Variants in CPS1 observed in about 807,000 individuals in gnomAD.
CPS1 encodes the protein carbamoyl-phosphate synthase 1.
In CPS1, 109 loss-of-function variants were observed where a neutral mutation model predicts 174.6. The observed-to-expected ratio is 0.62, with a 90% CI of 0.53 to 0.73. The LOEUF is 0.73. Ranked by LOEUF, CPS1 falls within the 30% of genes least tolerant of loss-of-function variation. The pLI, the probability that CPS1 is intolerant of heterozygous loss-of-function variation, is 0.00. For missense variants in CPS1, 1,689 were observed against 1,821.9 expected (o/e 0.93, Z 1.33); for synonymous variants, 637 against 632.0 (o/e 1.01, Z -0.12).
chr2:210,620,095 A>C lies in CPS1; in HGVS notation c.2687+3554A>C, dbSNP rs1574602976. 2.0e-5 allele frequency among the ~76,000 whole-genome samples: 3 copies of C among 152,284 alleles called. No homozygotes were observed. In the Middle Eastern group the frequency reaches 0.01, roughly 518 times the overall value. The stretch of plus-strand genomic sequence containing the variant: ...ACTTAAAGTATAATATAAAAAAAGA[A>C]ATATAAAAACAAGAACATAGTTTAT... On this transcript the variant is annotated intron_variant, in intron 21 of 37. Coordinates refer to ENST00000233072, the MANE Select transcript of CPS1 (RefSeq NM_001875.5).
chr2:210,626,071 A>G (rs2105880666), intron 21 of CPS1, among the ~76,000 whole-genome samples: 1 of 152,226 alleles, frequency 6.6e-6, no homozygotes, highest in South Asian at 2.1e-4. Context: ...AGTATCCAAT[A>G]CCATAATGTC....
chr2:210,583,022 CA>C (rs1330989481), intron 6 of CPS1, among the ~76,000 whole-genome samples: 1 of 151,982 alleles, frequency 6.6e-6, no homozygotes, highest in African/African-American at 2.4e-5. Context: ...ACTGAATTGC[CA>C]AAGATAGGTC....
chr2:210,619,209 C>T (rs551857843), intron 21 of CPS1: 1 of 152,196 alleles, frequency 6.6e-6, no homozygotes, highest in Admixed American at 6.6e-5. Flanking sequence ...TTTCTGGTTC[C>T]ACCCTTGTGC....
intron 21 of CPS1, among the ~76,000 whole-genome samples, chr2:210,624,599 G>A (rs909988885): frequency 6.6e-6 from 1 of 152,006 alleles, no homozygotes; most frequent in African/African-American, 2.4e-5. Context: ...TTTAGGTGAT[G>A]TCATAGGTTT....
intron 1 of CPS1, among the ~76,000 whole-genome samples, chr2:210,479,919 ATGAT>A (rs1282919706): frequency 6.6e-6 from 1 of 152,170 alleles, no homozygotes; most frequent in Non-Finnish European, 1.5e-5. Flanking sequence ...GAAATCTGGG[ATGAT>A]TGATAACAGA....
At position 210,661,986 on chromosome 2, in the gene CPS1, A is replaced by G. The variant is rs1700939011; in HGVS notation, c.3928-1137A>G. On this transcript the variant is annotated intron_variant, in intron 32 of 37. Coordinates refer to ENST00000233072, the MANE Select transcript of CPS1 (RefSeq NM_001875.5). ...AGTGCCATGATCTCAGCTCACTGCA[A>G]CCTCTGCCTTCCGGGTTCAAGCAAT... Among the ~76,000 whole-genome samples the G allele has an allele frequency of 2.7e-5, 4 of 147,350 alleles. No homozygotes were observed. In the Admixed American group the frequency reaches 2.8e-4, roughly 10 times the overall value.
chr2:210,607,285 A>T (rs1172856675), intron 18 of CPS1, among the ~76,000 whole-genome samples: 1 of 151,950 alleles, frequency 6.6e-6, no homozygotes, highest in Non-Finnish European at 1.5e-5. Context: ...TGTTTTCTTC[A>T]GGTGTATAGC....
intron 21 of CPS1, among the ~76,000 whole-genome samples, chr2:210,630,390 A>C (rs1283013278): frequency 6.6e-6 from 1 of 152,176 alleles, no homozygotes; most frequent in Non-Finnish European, 1.5e-5. Flanking sequence ...TTCCTTTTTA[A>C]TGTTGATTTT....
chr2:210,492,524 A>T (rs1466938740), intron 1 of CPS1, among the ~76,000 whole-genome samples: 12 of 152,070 alleles, frequency 7.9e-5, no homozygotes, highest in Admixed American at 7.9e-4. Context: ...TTCACCATGA[A>T]GCCTAGAGGG....
intron 1 of CPS1, among the ~76,000 whole-genome samples, chr2:210,537,977 A>G (rs1168225345): frequency 6.6e-6 from 1 of 152,196 alleles, no homozygotes; most frequent in Non-Finnish European, 1.5e-5. Context: ...TGCTAAAACC[A>G]TATAACTCTT....
upstream of CPS1, chr2:210,555,725 T>C (rs930173210): frequency 4.0e-5 from 18 of 453,138 alleles, no homozygotes; most frequent in Non-Finnish European, 7.1e-5. Flanking sequence ...CAGTACTTCC[T>C]GTTCTACATA....
chr2:210,662,640 A>G (rs1224106556), intron 32 of CPS1, among the ~76,000 whole-genome samples: 1 of 152,250 alleles, frequency 6.6e-6, no homozygotes, highest in Non-Finnish European at 1.5e-5. Context: ...AAGAGGTGTC[A>G]ACAACAGTTT....
At chr2:210,493,238 A>G (rs765268584) in intron 1 of CPS1, among the ~76,000 whole-genome samples, 6 of 152,112 alleles carry the variant, frequency 3.9e-5, no homozygotes, top group Non-Finnish European at 7.4e-5. Flanking sequence ...TCTTTTCATC[A>G]CTTGCTTCTC....
chr2:210,517,620 G>T (rs1695716735), intron 1 of CPS1, among the ~76,000 whole-genome samples: 1 of 151,910 alleles, frequency 6.6e-6, no homozygotes, highest in South Asian at 2.1e-4. Flanking sequence ...TCAAGGTAAT[G>T]GCAAAGAAAA....
intron 33 of CPS1, among the ~76,000 whole-genome samples, chr2:210,663,590 G>GAATATTACTTTAT (rs1185601907): frequency 6.6e-6 from 1 of 152,094 alleles, no homozygotes; most frequent in Non-Finnish European, 1.5e-5. Flanking sequence ...GTAATATGGA[G>GAATATTACTTTAT]AATGACAGCA....
At chr2:210,497,905 T>TATATATATATATATATATATACATATAC (rs1559736269) in intron 1 of CPS1, among the ~76,000 whole-genome samples, 1 of 137,246 alleles carries the variant, frequency 7.3e-6, no homozygotes, top group African/African-American at 2.8e-5. Flanking sequence ...TATATATATA[T>TATATATATATATATATATATACATATAC]ATATATATAT....
chr2:210,643,681 A>T (rs1167902125), intron 25 of CPS1, among the ~76,000 whole-genome samples: 2 of 152,146 alleles, frequency 1.3e-5, no homozygotes, highest in African/African-American at 4.8e-5. Flanking sequence ...TTTTACTATT[A>T]CAAAAGAAAG....
intron 5 of CPS1, among the ~76,000 whole-genome samples, chr2:210,580,728 G>A (rs1697896280): frequency 6.6e-6 from 1 of 151,722 alleles, no homozygotes; most frequent in South Asian, 2.1e-4. Flanking sequence ...AGTTATAGTG[G>A]TGCACACCTG....
intron 1 of CPS1, among the ~76,000 whole-genome samples, chr2:210,534,162 G>C (rs1288847377): frequency 1.3e-5 from 2 of 152,190 alleles, no homozygotes; most frequent in East Asian, 3.9e-4. Flanking sequence ...ATACCCTGTG[G>C]GGAAATAAGC....
Sources: gnomAD v4.1 joint callset for allele counts (sites outside exome capture counted in the v4.1 genomes callset) on GRCh38, gnomAD v4.1.1 for gene constraint, MANE v1.5 for transcripts, NCBI Gene and HGNC (gene_info 2026-07-23, HGNC 2026-07-21) for gene names.